The following RBPJ variants were observed in gnomAD, a reference collection of about 807,000 sequenced individuals.
The protein encoded by RBPJ is recombining binding protein suppressor of hairless.
Under a neutral mutation model 67.8 loss-of-function variants are expected in RBPJ, and 9 were observed. The observed-to-expected ratio is 0.13, with a 90% confidence interval of 0.08 to 0.23. The LOEUF (loss-of-function observed/expected upper bound fraction) is 0.23, where lower values mean the gene tolerates loss of function less well. Among genes scored for constraint, RBPJ ranks in the 10% least tolerant of loss-of-function variants. RBPJ has a pLI of 1.00. For missense variants in RBPJ, 305 were observed against 595.6 expected (o/e 0.51, Z 5.08); for synonymous variants, 198 against 203.3 (o/e 0.97, Z 0.22).
chr4:26,229,803 G>A (rs966143728), intron 1 of RBPJ, among the ~76,000 whole-genome samples: 1 of 152,132 alleles, frequency 6.6e-6, no homozygotes, highest in Non-Finnish European at 1.5e-5. Context: ...TAAATGGAAG[G>A]TACTGAGCCA....
chr4:26,214,493 G>GAGGA (rs1383485767), intron 1 of RBPJ, among the ~76,000 whole-genome samples: 1 of 81,728 alleles, frequency 1.2e-5, no homozygotes, highest in Non-Finnish European at 2.3e-5. Context: ...AGGAGGGAAG[G>GAGGA]AGGGAGGGAG....
chr4:26,167,507 GCTCT>G (rs1188631731), intron 1 of RBPJ, among the ~76,000 whole-genome samples: 2 of 145,342 alleles, frequency 1.4e-5, no homozygotes, highest in African/African-American at 5.2e-5. Context: ...TCATGATTTG[GCTCT>G]CTGTTTGTCT....
rs1728148948 is a variant in RBPJ at position 26,362,303 on chromosome 4, G to A, written c.21-24050G>A. The A allele has an allele frequency of 8.8e-6, 3 of 339,484 alleles. No homozygotes were observed. The East Asian group carries it at 1.4e-4, about 16-fold the overall frequency. 21.0% of individuals were successfully genotyped at this position (339,484 alleles called of 1,614,324 possible). On this transcript the variant is annotated intron_variant, in intron 1 of 10. Transcript: ENST00000355476. The stretch of plus-strand genomic sequence containing the variant: ...CTGTCACTCTATTCCTCATTCATAT[G>A]AGGGTTCACATTAAAAATGACAGTG...
chr4:26,373,610 C>T (rs1729387804), intron 1 of RBPJ, among the ~76,000 whole-genome samples: 1 of 152,196 alleles, frequency 6.6e-6, no homozygotes, highest in East Asian at 1.9e-4. Context: ...AAAACCTCTT[C>T]ATTAAATGGA....
chr4:26,120,597 C>A, the RBPJ span, among the ~76,000 whole-genome samples: 11 of 152,166 alleles, frequency 7.2e-5, no homozygotes, highest in South Asian at 2.1e-4. Flanking sequence ...TTCATCCTAA[C>A]CTTGGCACCA....
intron 1 of RBPJ, chr4:26,343,082 C>T (rs1406489234): frequency 6.6e-6 from 1 of 152,132 alleles, no homozygotes; most frequent in African/African-American, 2.4e-5. Flanking sequence ...CAATGATGAG[C>T]CTTTATGGAG....
the RBPJ span, among the ~76,000 whole-genome samples, chr4:26,138,501 T>C: frequency 6.6e-6 from 1 of 152,148 alleles, no homozygotes; most frequent in Non-Finnish European, 1.5e-5. Flanking sequence ...TTGGCGGAAC[T>C]AAGTTCCAGG....
chr4:26,203,321 G>A (rs1189152952), intron 1 of RBPJ, among the ~76,000 whole-genome samples: 3 of 152,138 alleles, frequency 2.0e-5, no homozygotes, highest in African/African-American at 7.2e-5. Context: ...AACAGTCTTT[G>A]CCACATGCCC....
At chr4:26,409,105 A>G (rs1030497576) in intron 3 of RBPJ, among the ~76,000 whole-genome samples, 2 of 152,152 alleles carry the variant, frequency 1.3e-5, no homozygotes, top group South Asian at 2.1e-4. Flanking sequence ...CTGATTGGCT[A>G]TTGTGTGCTA....
intron 2 of RBPJ, among the ~76,000 whole-genome samples, chr4:26,398,367 G>T (rs550753488): frequency 6.6e-6 from 1 of 152,268 alleles, no homozygotes; most frequent in South Asian, 2.1e-4. Flanking sequence ...GTTTTCAGAA[G>T]AATGGCGATT....
intron 1 of RBPJ, among the ~76,000 whole-genome samples, chr4:26,221,185 G>A (rs2109191102): frequency 6.6e-6 from 1 of 152,238 alleles, no homozygotes; most frequent in African/African-American, 2.4e-5. Context: ...CCGCCTCCTG[G>A]GTTCACGCCA....
intron 1 of RBPJ, among the ~76,000 whole-genome samples, chr4:26,301,941 C>A (rs949531160): frequency 6.6e-6 from 1 of 151,930 alleles, no homozygotes; most frequent in Non-Finnish European, 1.5e-5. Flanking sequence ...TATAGGTGTG[C>A]GCCACCAGGC....
chr4:26,118,584 G>A, the RBPJ span, among the ~76,000 whole-genome samples: 4 of 152,238 alleles, frequency 2.6e-5, no homozygotes, highest in African/African-American at 9.6e-5. Flanking sequence ...AGGTCCTGGG[G>A]AACAGAGTGG....
chr4:26,402,998 C>A (rs11737637), intron 2 of RBPJ, among the ~76,000 whole-genome samples: 75,948 of 152,012 alleles, frequency 0.5, 20,148 homozygotes, highest in Admixed American at 0.62. Flanking sequence ...CTTCTGTTAC[C>A]GTCTTCTTAG....
chr4:26,200,431 G>C (rs1383064768), intron 1 of RBPJ, among the ~76,000 whole-genome samples: 2 of 152,102 alleles, frequency 1.3e-5, no homozygotes, highest in African/African-American at 4.8e-5. Flanking sequence ...AACTTTGGGA[G>C]CCTGAAGTGG....
At chr4:26,420,459 C>G (rs910379280) in intron 4 of RBPJ, 92 bp from the exon 5 acceptor site, 17 of 781,168 alleles carry the variant, frequency 2.2e-5, no homozygotes, top group Admixed American at 3.6e-5. Flanking sequence ...AATTGTTTTA[C>G]TTATTACTTA....
At chr4:26,282,831 T>G (rs1174583605) in intron 1 of RBPJ, among the ~76,000 whole-genome samples, 4 of 151,200 alleles carry the variant, frequency 2.6e-5, no homozygotes, top group Non-Finnish European at 4.4e-5. Context: ...GAGCTTCATG[T>G]ATTTCATAAT....
At chr4:26,243,382 A>G (rs761496466) in intron 1 of RBPJ, among the ~76,000 whole-genome samples, 16 of 152,346 alleles carry the variant, frequency 1.1e-4, no homozygotes, top group Non-Finnish European at 1.0e-4. Context: ...TTTGTTGCCA[A>G]TGATAGAATT....
At chr4:26,350,532 T>C (rs1726684008) in intron 1 of RBPJ, among the ~76,000 whole-genome samples, 1 of 152,168 alleles carries the variant, frequency 6.6e-6, no homozygotes, top group African/African-American at 2.4e-5. Flanking sequence ...TTTTCCAAAG[T>C]ACTGAATTGA....
Sources: gnomAD v4.1 joint callset for allele counts (sites outside exome capture counted in the v4.1 genomes callset) on GRCh38, gnomAD v4.1.1 for gene constraint, MANE v1.5 for transcripts, NCBI Gene and HGNC (gene_info 2026-07-23, HGNC 2026-07-21) for gene names.